Variants in KDM1B observed in about 807,000 individuals in gnomAD.
KDM1B encodes the protein lysine-specific histone demethylase 2.
In KDM1B, 63 loss-of-function variants were observed where a neutral mutation model predicts 107.4. The observed-to-expected ratio is 0.59, with a 90% CI of 0.48 to 0.72. The LOEUF is 0.72. Among genes scored for constraint, KDM1B ranks in the 30% least tolerant of loss-of-function variants. The pLI, the probability that KDM1B is intolerant of heterozygous loss-of-function variation, is 0.00. For synonymous variants in KDM1B, 363 were observed against 363.9 expected (o/e 1.00, Z 0.03); for missense variants, 749 against 1,020.8 (o/e 0.73, Z 3.63).
intron 7 of KDM1B, among the ~76,000 whole-genome samples, chr6:18,174,226 G>A (rs1785846073): frequency 6.6e-6 from 1 of 151,750 alleles, no homozygotes; most frequent in South Asian, 2.1e-4. Flanking sequence ...AAATCAGGTA[G>A]TATACATTCT....
At chr6:18,210,602 C>T (rs1028356908) in intron 17 of KDM1B, among the ~76,000 whole-genome samples, 1 of 151,886 alleles carries the variant, frequency 6.6e-6, no homozygotes, top group African/African-American at 2.4e-5. Context: ...CTTAAGCAAT[C>T]CTCTTGCCTC....
chr6:18,213,848 C>G lies in KDM1B; in HGVS notation c.2109+67C>G. The stretch of plus-strand genomic sequence containing the variant: ...AGTTTAGAATTTGATGTGATAATTA[C>G]TCACCTATCAAGCTCAGGAACTAAC... On this transcript the variant is annotated intron_variant, in intron 19 of 21. Transcript: ENST00000650836. The surrounding 1 kb of genome is among the most constrained non-coding windows in gnomAD (Gnocchi z 5.9). 3 of 1,556,180 alleles carry G rather than the reference C, an allele frequency of 1.9e-6. No homozygotes were observed.
rs976560651 is a variant in KDM1B, at chr6:18,223,579, C to T, written c.*1587C>T. 3 of 152,102 alleles carry T rather than the reference C, an allele frequency of 2.0e-5. No individual in the cohort carries two copies. The highest frequency in any genetic ancestry group is 7.2e-5 in the African/African-American group (3 of 41,410). The allele number at this position is 152,102 out of a possible 1,614,324, so 9.4% of individuals were successfully genotyped here. On this transcript the variant is annotated 3_prime_UTR_variant, in exon 22 of 22. Coordinates refer to ENST00000650836, the MANE Select transcript of KDM1B (RefSeq NM_001364614.2). ...TAACAGTAAATTATTATGTTAGTTT[C>T]CAGGCACTTGAACTGTGCTACAAGT... is the stretch of plus-strand genomic sequence containing the variant.
chr6:18,205,713 G>C lies in KDM1B; in HGVS notation c.1659+49G>C. The C allele has an allele frequency of 6.9e-7, 1 of 1,445,684 alleles. No individual in the cohort carries two copies. The highest frequency in any genetic ancestry group is 1.5e-5 in the African/African-American group (1 of 68,100). The allele number at this position is 1,445,684 out of a possible 1,614,324, so 89.6% of individuals were successfully genotyped here. A position where few individuals can be genotyped will look rare whatever the true frequency, so the allele number is the denominator to read the frequency against. On this transcript the variant is annotated intron_variant, in intron 15 of 21. Coordinates refer to ENST00000650836, the MANE Select transcript of KDM1B (RefSeq NM_001364614.2). The surrounding 1 kb of genome is among the most constrained non-coding windows in gnomAD (Gnocchi z 5.7). ...TGTGCTTTGAAAATACTTGGTTTAG[G>C]CCGGGCGCAGTGGCTCACGCCTGTA...
chr6:18,161,857 C>T (rs527635419), intron 4 of KDM1B, among the ~76,000 whole-genome samples: 10 of 152,220 alleles, frequency 6.6e-5, no homozygotes, highest in African/African-American at 2.2e-4. Flanking sequence ...TCTTCCCATA[C>T]GCACATACAG....
rs370072147 is a variant in KDM1B, at chr6:18,209,046, G to A, written c.1866+840G>A. 2.0e-5 allele frequency among the ~76,000 whole-genome samples: 3 copies of A among 151,996 alleles called. No individual in the cohort carries two copies. Among genetic ancestry groups the A allele is most frequent in the African/African-American group, 7.2e-5 (3 of 41,466 alleles). On this transcript the variant is annotated intron_variant, in intron 17 of 21. Coordinates refer to ENST00000650836, the MANE Select transcript of KDM1B (RefSeq NM_001364614.2). The surrounding 1 kb of genome is among the most constrained non-coding windows in gnomAD (Gnocchi z 4.3). ...TGCTCTCCACATTTTTTTAAACCAC[G>A]GAATCCTTCTTCAGATCAGGAAAGT...
rs1409269583 is a variant in KDM1B at position 18,191,409 on chromosome 6, A to T, written c.969+28A>T. On this transcript the variant is annotated intron_variant, in intron 10 of 21. Transcript: ENST00000650836. This position sits in a 1 kb window ranked among gnomAD's most constrained non-coding sequence, Gnocchi z 5.1. ...AAGTAAGGGCATGTTAGCCAATAGC[A>T]CTGGACAGAGGAGGACCATGTTGAA... 3.0e-5 allele frequency: 46 copies of T among 1,541,836 alleles called. No homozygotes were observed. Among genetic ancestry groups the T allele is most frequent in the Non-Finnish European group, 3.8e-5 (43 of 1,139,666 alleles).
In KDM1B at chr6:18,205,178, T is replaced by C. The variant is rs1232477474; in HGVS notation, c.1532-359T>C. Among the ~76,000 whole-genome samples, 2 of 152,166 alleles carry C rather than the reference T, an allele frequency of 1.3e-5. No homozygotes were observed. Among genetic ancestry groups the C allele is most frequent in the Non-Finnish European group, 1.5e-5 (1 of 68,026 alleles). On this transcript the variant is annotated intron_variant, in intron 14 of 21. Transcript: ENST00000650836. This position sits in a 1 kb window ranked among gnomAD's most constrained non-coding sequence, Gnocchi z 5.7. Reference sequence around the variant, plus strand: ...GAATGGTAACTTCTGTGTGTGTGCATGTACATCTATGTGTGGGGACAGTTT... The same window carrying C: ...GAATGGTAACTTCTGTGTGTGTGCACGTACATCTATGTGTGGGGACAGTTT...
rs76118318 is a variant in KDM1B, at chr6:18,187,521, G to A, written c.574-271G>A. 4.2e-3 allele frequency among the ~76,000 whole-genome samples: 632 copies of A among 152,226 alleles called. 1 individual carries two copies. The highest frequency in any genetic ancestry group is 0.017 in the Middle Eastern group (5 of 294). On this transcript the variant is annotated intron_variant, in intron 8 of 21. Transcript: ENST00000650836. ...GCTTTCAGACTCACCTGGCATTGGG[G>A]AGCTTATTTTGGGGGAGGGATAAGG...
At chr6:18,192,642 G>T (rs1787353718) in intron 10 of KDM1B, among the ~76,000 whole-genome samples, 1 of 151,492 alleles carries the variant, frequency 6.6e-6, no homozygotes. Context: ...TGGTGGTGTG[G>T]CCCTGTAGTC....
In KDM1B at chr6:18,162,421, C is replaced by G. The variant is rs1785030684; in HGVS notation, c.216-414C>G. On this transcript the variant is annotated intron_variant, in intron 4 of 21. Coordinates refer to ENST00000650836, the MANE Select transcript of KDM1B (RefSeq NM_001364614.2). The surrounding 1 kb of genome is among the most constrained non-coding windows in gnomAD (Gnocchi z 4.1). The stretch of plus-strand genomic sequence containing the variant: ...TCTTGCTATATTATCAACTGTTTGA[C>G]AAGTTATCTTTGCCAAATTGCCTGC... 6.6e-6 allele frequency among the ~76,000 whole-genome samples: 1 copy of G among 152,198 alleles called. No homozygotes were observed. The highest frequency in any genetic ancestry group is 2.4e-5 in the African/African-American group (1 of 41,452).
In KDM1B at chr6:18,187,866, A is replaced by G; in HGVS notation, c.648A>G (p.Ala216=). The G allele has an allele frequency of 1.3e-6, 2 of 1,550,350 alleles. No individual in the cohort carries two copies. The highest frequency in any genetic ancestry group is 8.7e-7 in the Non-Finnish European group (1 of 1,146,860). ...CTCCTTTGCTGAAAGACAGTGTGGC[A>G]GCGCCCCTGCTGTCTGCCTACTACC... ...ILPPLLKDSV[A]APLLSAYYPD... Residue 216 remains alanine, a synonymous_variant, in exon 9 of 22, where the codon GCA becomes GCG. Transcript: ENST00000650836.
chr6:18,202,012 G>T (rs1046350085), intron 14 of KDM1B, among the ~76,000 whole-genome samples: 6 of 152,150 alleles, frequency 3.9e-5, no homozygotes, highest in Admixed American at 3.9e-4. Context: ...GTCTTTTCTA[G>T]GTAAGGGTTT....
chr6:18,188,314 A>G (rs1482308699), intron 9 of KDM1B, among the ~76,000 whole-genome samples: 1 of 152,180 alleles, frequency 6.6e-6, no homozygotes, highest in Non-Finnish European at 1.5e-5. Context: ...TGTACTGTGG[A>G]TCAGTCACAT....
At chr6:18,157,186 A>C (rs1164703340) in intron 2 of KDM1B, among the ~76,000 whole-genome samples, 1 of 152,180 alleles carries the variant, frequency 6.6e-6, no homozygotes, top group African/African-American at 2.4e-5. Flanking sequence ...GTATACTAAA[A>C]ATTTTTTCTT....
Position 18,223,664 on chromosome 6 carries a change from A to G in KDM1B, c.*1672A>G, listed in dbSNP as rs963809413. ...TGTTTTAAACTTCCTATCAAGTGACATACTTCATTTGATTTTTTGTTTAAG... is the reference window on the plus strand; with the variant it reads ...TGTTTTAAACTTCCTATCAAGTGACGTACTTCATTTGATTTTTTGTTTAAG... On this transcript the variant is annotated 3_prime_UTR_variant, in exon 22 of 22. Coordinates refer to ENST00000650836, the MANE Select transcript of KDM1B (RefSeq NM_001364614.2). 2.6e-5 allele frequency: 4 copies of G among 152,158 alleles called. No homozygotes were observed. Among genetic ancestry groups the G allele is most frequent in the Admixed American group, 6.5e-5 (1 of 15,270 alleles). 9.4% of individuals were successfully genotyped at this position (152,158 alleles called of 1,614,324 possible).
Position 18,201,796 on chromosome 6 carries a change from G to C in KDM1B, c.1531+139G>C, listed in dbSNP as rs1252745508. ...CCTGAGCATTTCTTTTGGACTGATG[G>C]ATTCTCCAAGTTCTCAGGGGAGGAG... On this transcript the variant is annotated intron_variant, in intron 14 of 21. Coordinates refer to ENST00000650836, the MANE Select transcript of KDM1B (RefSeq NM_001364614.2). The surrounding 1 kb of genome is among the most constrained non-coding windows in gnomAD (Gnocchi z 4.3). 1.4e-6 allele frequency: 1 copy of C among 694,282 alleles called. No homozygotes were observed. The highest frequency in any genetic ancestry group is 1.8e-5 in the African/African-American group (1 of 55,642). The allele number at this position is 694,282 out of a possible 1,614,324, so 43.0% of individuals were successfully genotyped here. A position where few individuals can be genotyped will look rare whatever the true frequency, so the allele number is the denominator to read the frequency against.
chr6:18,176,790 TC>T (rs1306399283), intron 7 of KDM1B, among the ~76,000 whole-genome samples: 3 of 152,198 alleles, frequency 2.0e-5, no homozygotes, highest in Non-Finnish European at 4.4e-5. Context: ...CATCCCTACA[TC>T]CCTGGTATGA....
chr6:18,163,618 CTTTTA>C (rs1345455314), intron 5 of KDM1B, among the ~76,000 whole-genome samples: 3 of 152,034 alleles, frequency 2.0e-5, no homozygotes, highest in Non-Finnish European at 2.9e-5. Context: ...ATTTTGACAA[CTTTTA>C]TTTTAATTTA....
Sources: allele counts gnomAD v4.1 joint callset (sites outside exome capture counted in the v4.1 genomes callset), GRCh38; gene constraint gnomAD v4.1.1; non-coding constraint Gnocchi (gnomAD v3.1); transcripts MANE v1.5; gene names NCBI Gene and HGNC (gene_info 2026-07-23, HGNC 2026-07-21).